PCDHGA5: variants seen among roughly 807,000 people sequenced by gnomAD.
PCDHGA5 encodes protocadherin gamma-A5.
PCDHGA5 carries 36 observed loss-of-function variants against 56.7 expected under a neutral mutation model. That is an observed-to-expected ratio of 0.64 (90% confidence interval 0.49 to 0.84). PCDHGA5 has a LOEUF of 0.84. PCDHGA5 is among the 40% of genes least tolerant of loss of function. PCDHGA5 has a pLI of 0.00. For missense variants in PCDHGA5, 1,305 were observed against 1,201.5 expected, an observed-to-expected ratio of 1.09 and a Z score of -1.27; for synonymous variants, 563 against 520.2, an observed-to-expected ratio of 1.08 and a Z score of -1.12.
chr5:141,369,800 C>T lies in PCDHGA5; in HGVS notation c.2421+3049C>T, dbSNP rs192992906. 3.3e-3 allele frequency among the ~76,000 whole-genome samples: 501 copies of T among 152,282 alleles called. 3 individuals are homozygous for T. Among genetic ancestry groups the T allele is most frequent in the Non-Finnish European group, 5.3e-3 (361 of 68,024 alleles). ...AAGCCTCTTTATACTACGTCTTCTG[C>T]CATCACCAAAAATAGCTTCCATTTG... On this transcript the variant is annotated intron_variant, in intron 1 of 3. Transcript: ENST00000518069.
At chr5:141,406,446 C>T (rs1292880739) in intron 1 of PCDHGA5, among the ~76,000 whole-genome samples, 1 of 152,200 alleles carries the variant, frequency 6.6e-6, no homozygotes, top group Non-Finnish European at 1.5e-5. Flanking sequence ...TCTTCCATTT[C>T]TATGACAGGA....
chr5:141,492,359 C>A (rs1292383129), intron 1 of PCDHGA5, among the ~76,000 whole-genome samples: 3 of 152,336 alleles, frequency 2.0e-5, no homozygotes, highest in African/African-American at 7.2e-5. Flanking sequence ...GCCACTCGCT[C>A]GCGGCCAGAT....
intron 1 of PCDHGA5, chr5:141,390,739 A>G (rs1459430005): frequency 5.6e-6 from 1 of 178,034 alleles, no homozygotes; most frequent in Non-Finnish European, 1.2e-5. Context: ...TATGGTCTCC[A>G]TAGTAGTCCA....
chr5:141,496,723 T>G (rs1312615861), intron 2 of PCDHGA5, among the ~76,000 whole-genome samples: 3 of 152,212 alleles, frequency 2.0e-5, no homozygotes, highest in Non-Finnish European at 4.4e-5. Context: ...AAGTCATTAA[T>G]GTATTCATTC....
rs1374646530 is a variant in PCDHGA5, at chr5:141,431,339, T to C, written c.2422-63468T>C. ...AGCCGACGGTAGTAAGTACCCCGAA[T>C]TGGTGCTGAAACGCGCCCTGGACCG... On this transcript the variant is annotated intron_variant, in intron 1 of 3. Coordinates refer to ENST00000518069, the MANE Select transcript of PCDHGA5 (RefSeq NM_018918.3). This position sits in a 1 kb window ranked among gnomAD's most constrained non-coding sequence, Gnocchi z 4.8. 1 of 1,614,060 alleles carries C rather than the reference T, an allele frequency of 6.2e-7. No individual in the cohort carries two copies. The highest frequency in any genetic ancestry group is 8.5e-7 in the Non-Finnish European group (1 of 1,180,024).
In PCDHGA5 at chr5:141,506,176, C is replaced by T. The variant is rs183157987; in HGVS notation, c.2569+695C>T. ...CCTTAAGAGCACAGCCTAAGCTGGG[C>T]GTGGTGGCTCACGCCTGTAATCCCA... is the stretch of plus-strand genomic sequence containing the variant. On this transcript the variant is annotated intron_variant, in intron 3 of 3. Coordinates refer to ENST00000518069, the MANE Select transcript of PCDHGA5 (RefSeq NM_018918.3). Among the ~76,000 whole-genome samples the T allele has an allele frequency of 3.0e-3, 454 of 152,234 alleles. 1 individual carries two copies. The highest frequency in any genetic ancestry group is 0.021 in the Admixed American group (317 of 15,296).
chr5:141,452,172 T>G (rs1338447268), intron 1 of PCDHGA5, among the ~76,000 whole-genome samples: 1 of 152,206 alleles, frequency 6.6e-6, no homozygotes, highest in Non-Finnish European at 1.5e-5. Flanking sequence ...TTACTAACAT[T>G]TTTTATTTTG....
At chr5:141,371,631 G>A in intron 1 of PCDHGA5, 5 of 1,614,006 alleles carry the variant, frequency 3.1e-6, no homozygotes, top group Non-Finnish European at 3.4e-6. Flanking sequence ...CCTGGACCGG[G>A]AGCAGATCCC....
intron 1 of PCDHGA5, chr5:141,408,518 T>G: frequency 6.2e-7 from 1 of 1,614,012 alleles, no homozygotes; most frequent in Non-Finnish European, 8.5e-7. Flanking sequence ...TGAGTTGCAA[T>G]TGGAAGCTGT....
At chr5:141,372,801 T>A in intron 1 of PCDHGA5, 1 of 1,594,978 alleles carries the variant, frequency 6.3e-7, no homozygotes, top group Non-Finnish European at 8.5e-7. Context: ...TTCAGGCAAT[T>A]TGCAAAAGGT....
intron 1 of PCDHGA5, chr5:141,423,126 G>T (rs1397550571): frequency 6.2e-7 from 1 of 1,613,622 alleles, no homozygotes; most frequent in Non-Finnish European, 8.5e-7. Context: ...CGCGGGCACT[G>T]CTGGACAGAG....
rs117345436 is a variant in PCDHGA5 at position 141,492,015 on chromosome 5, G to T, written c.2422-2792G>T. 1,356 of 600,608 alleles carry T rather than the reference G, an allele frequency of 2.3e-3. 40 individuals carry two copies. The East Asian group carries it at 0.038, about 17-fold the overall frequency. The allele number at this position is 600,608 out of a possible 1,614,324, so 37.2% of individuals were successfully genotyped here. A position where few individuals can be genotyped will look rare whatever the true frequency, so the allele number is the denominator to read the frequency against. ...ATTTCGGGCGATTTCCGCGGGTGTC[G>T]GGGGTCCCGGGAGGAGGCAGTCACA... On this transcript the variant is annotated intron_variant, in intron 1 of 3. Transcript: ENST00000518069.
Position 141,366,058 on chromosome 5 carries a change from G to T in PCDHGA5, c.1728G>T (p.Glu576Asp). The stretch of plus-strand genomic sequence containing the variant: ...CCACAGACGGTTCCACGGGCGTGGA[G>T]CTGGCGCCTCGCTCCGCAGAACCTG... ...ALPTDGSTGV[E>D]LAPRSAEPGY... Residue 576 changes from glutamate (E) to aspartate (D), a missense_variant, in exon 1 of 4, where the codon GAG becomes GAT. Transcript: ENST00000518069. 1 of 1,614,242 alleles carries T rather than the reference G, an allele frequency of 6.2e-7. No individual in the cohort carries two copies.
chr5:141,400,728 T>G (rs1293655070), intron 1 of PCDHGA5: 2 of 648,072 alleles, frequency 3.1e-6, no homozygotes, highest in Non-Finnish European at 5.2e-6. Flanking sequence ...ATTTACAAAG[T>G]AGTGAGAGTT....
At chr5:141,423,563 C>G (rs745802952) in intron 1 of PCDHGA5, 3 of 1,613,550 alleles carry the variant, frequency 1.9e-6, no homozygotes, top group Admixed American at 1.7e-5. Flanking sequence ...TATGGGGACA[C>G]GCTCATCAGC....
At chr5:141,430,206 TTATTA>T (rs1267858049) in intron 1 of PCDHGA5, among the ~76,000 whole-genome samples, 2 of 151,984 alleles carry the variant, frequency 1.3e-5, no homozygotes, top group African/African-American at 4.8e-5. Flanking sequence ...AAAGTTTAAA[TTATTA>T]TATTATATGA....
At position 141,485,135 on chromosome 5, in the gene PCDHGA5, G is replaced by A; in HGVS notation, c.2422-9672G>A. 6.7e-7 allele frequency: 1 copy of A among 1,500,498 alleles called. No individual in the cohort carries two copies. Among genetic ancestry groups the A allele is most frequent in the East Asian group, 2.3e-5 (1 of 44,254 alleles). 92.9% of individuals were successfully genotyped at this position (1,500,498 alleles called of 1,614,324 possible). A position where few individuals can be genotyped will look rare whatever the true frequency, so the allele number is the denominator to read the frequency against. On this transcript the variant is annotated intron_variant, in intron 1 of 3. Coordinates refer to ENST00000518069, the MANE Select transcript of PCDHGA5 (RefSeq NM_018918.3). The surrounding 1 kb of genome is among the most constrained non-coding windows in gnomAD (Gnocchi z 5.7). ...TGTTTGGGGCGGGTCGGCTTCATCCGCGTCTCAGGAGCAAGTAGAGAATTA... is the reference window on the plus strand; with the variant it reads ...TGTTTGGGGCGGGTCGGCTTCATCCACGTCTCAGGAGCAAGTAGAGAATTA...
intron 1 of PCDHGA5, chr5:141,375,628 C>T (rs1771676563): frequency 1.4e-5 from 23 of 1,614,200 alleles, no homozygotes; most frequent in Non-Finnish European, 1.8e-5. Flanking sequence ...GGATTCTGTA[C>T]GCCCTGCGCT....
chr5:141,432,215 C>T lies in PCDHGA5; in HGVS notation c.2422-62592C>T. The T allele has an allele frequency of 1.9e-6, 3 of 1,614,228 alleles. No individual in the cohort carries two copies. The highest frequency in any genetic ancestry group is 2.5e-6 in the Non-Finnish European group (3 of 1,180,036). The stretch of plus-strand genomic sequence containing the variant: ...CGACCCCGACTGTGAAGAGAACGCC[C>T]AGATCACTTATTCCCTGGCTGAGAA... On this transcript the variant is annotated intron_variant, in intron 1 of 3. Transcript: ENST00000518069. This position sits in a 1 kb window ranked among gnomAD's most constrained non-coding sequence, Gnocchi z 6.0.
Sources: gnomAD v4.1 joint callset for allele counts (sites outside exome capture counted in the v4.1 genomes callset) on GRCh38, gnomAD v4.1.1 for gene constraint, Gnocchi (gnomAD v3.1) non-coding constraint, MANE v1.5 for transcripts, NCBI Gene and HGNC (gene_info 2026-07-23, HGNC 2026-07-21) for gene names.